SLC24A2: variants seen among roughly 807,000 people sequenced by gnomAD.
The protein encoded by SLC24A2 is sodium/potassium/calcium exchanger 2.
A neutral mutation model predicts 62.0 loss-of-function variants in SLC24A2; 36 were observed. The ratio of observed to expected loss-of-function variants is 0.58; its 90% CI spans 0.44 to 0.77. The LOEUF (loss-of-function observed/expected upper bound fraction) is 0.77. Ranked by LOEUF, SLC24A2 falls within the 30% of genes least tolerant of loss-of-function variation. SLC24A2 has a pLI of 0.00. For missense variants in SLC24A2, 846 were observed against 817.9 expected, an observed-to-expected ratio of 1.03 and a Z score of -0.42; for synonymous variants, 358 against 294.0, an observed-to-expected ratio of 1.22 and a Z score of -2.23.
the SLC24A2 span, among the ~76,000 whole-genome samples, chr9:20,049,039 G>A: frequency 6.9e-4 from 105 of 152,140 alleles, 1 homozygote; most frequent in African/African-American, 2.4e-3. Context: ...CCATCAACTC[G>A]TTTTATCAGC....
At chr9:19,884,839 GTT>G in the SLC24A2 span, among the ~76,000 whole-genome samples, 1 of 152,152 alleles carries the variant, frequency 6.6e-6, no homozygotes, top group Non-Finnish European at 1.5e-5. Context: ...CCCTGAGCAT[GTT>G]TAAGGTAGGT....
the SLC24A2 span, among the ~76,000 whole-genome samples, chr9:20,019,155 A>AAGAGAGAGAGAG: frequency 6.0e-5 from 7 of 117,088 alleles, 1 homozygote; most frequent in Non-Finnish European, 1.1e-4. Context: ...GAAAGAAAGA[A>AAGAGAGAGAGAG]AGAGAGAGAG....
chr9:20,173,504 T>C, the SLC24A2 span, among the ~76,000 whole-genome samples: 2 of 152,204 alleles, frequency 1.3e-5, no homozygotes, highest in East Asian at 1.9e-4. Flanking sequence ...AAAATTAATG[T>C]ACACAAATCA....
chr9:20,232,489 T>A, the SLC24A2 span, among the ~76,000 whole-genome samples: 1 of 152,218 alleles, frequency 6.6e-6, no homozygotes. Flanking sequence ...GAGGAATTTA[T>A]CCATTTCTTC....
At chr9:19,596,629 A>C (rs1205241505) in intron 5 of SLC24A2, among the ~76,000 whole-genome samples, 1 of 152,188 alleles carries the variant, frequency 6.6e-6, no homozygotes, top group Non-Finnish European at 1.5e-5. Context: ...TGATATGCCT[A>C]TCCTCATGGA....
chr9:20,015,551 T>A, the SLC24A2 span, among the ~76,000 whole-genome samples: 2 of 152,216 alleles, frequency 1.3e-5, no homozygotes, highest in Admixed American at 1.3e-4. Context: ...AATGTCACTG[T>A]GGCCAACCCC....
the SLC24A2 span, among the ~76,000 whole-genome samples, chr9:20,029,489 G>A: frequency 6.6e-6 from 1 of 152,110 alleles, no homozygotes; most frequent in African/African-American, 2.4e-5. Context: ...CAGTCCATCT[G>A]ACTGCAGCAT....
At chr9:19,544,025 T>TG (rs1312277093) in intron 8 of SLC24A2, among the ~76,000 whole-genome samples, 1 of 152,154 alleles carries the variant, frequency 6.6e-6, no homozygotes, top group African/African-American at 2.4e-5. Flanking sequence ...ATATTGACAG[T>TG]GGGGTATTAA....
the SLC24A2 span, among the ~76,000 whole-genome samples, chr9:20,113,929 G>T: frequency 6.6e-6 from 1 of 152,098 alleles, no homozygotes; most frequent in Admixed American, 6.6e-5. Flanking sequence ...AGGCAGCTTG[G>T]GATAGCAATC....
At chr9:19,766,163 T>C (rs534489072) in intron 2 of SLC24A2, among the ~76,000 whole-genome samples, 4 of 152,342 alleles carry the variant, frequency 2.6e-5, no homozygotes, top group Non-Finnish European at 5.9e-5. Context: ...TTTATGTTCT[T>C]CTCTAAAGTG....
At chr9:19,834,485 A>G in the SLC24A2 span, among the ~76,000 whole-genome samples, 1 of 152,200 alleles carries the variant, frequency 6.6e-6, no homozygotes, top group Non-Finnish European at 1.5e-5. Flanking sequence ...GCGATGGAAG[A>G]TGAAATGAAT....
intron 2 of SLC24A2, among the ~76,000 whole-genome samples, chr9:19,646,351 C>T (rs1323982038): frequency 6.6e-6 from 1 of 152,184 alleles, no homozygotes; most frequent in Non-Finnish European, 1.5e-5. Flanking sequence ...CCTGAAATTG[C>T]CCTTGCCACA....
chr9:20,299,327 G>A, the SLC24A2 span, among the ~76,000 whole-genome samples: 1 of 152,226 alleles, frequency 6.6e-6, no homozygotes, highest in Non-Finnish European at 1.5e-5. Flanking sequence ...GGGACATGAA[G>A]AAGGATAGAG....
At chr9:19,933,757 G>C in the SLC24A2 span, among the ~76,000 whole-genome samples, 1 of 152,286 alleles carries the variant, frequency 6.6e-6, no homozygotes, top group East Asian at 1.9e-4. Flanking sequence ...ACGAAATGTG[G>C]TATATCCATA....
At chr9:20,267,067 A>AG in the SLC24A2 span, among the ~76,000 whole-genome samples, 2 of 152,052 alleles carry the variant, frequency 1.3e-5, no homozygotes, top group African/African-American at 4.8e-5. Flanking sequence ...TGAAAAAAAA[A>AG]AAAAAGCTGG....
At chr9:20,069,120 T>A in the SLC24A2 span, among the ~76,000 whole-genome samples, 2 of 152,206 alleles carry the variant, frequency 1.3e-5, no homozygotes, top group Admixed American at 6.5e-5. Flanking sequence ...ATCCTTGACT[T>A]TTTCTTCTCC....
chr9:19,982,839 A>G, the SLC24A2 span, among the ~76,000 whole-genome samples: 1,730 of 152,326 alleles, frequency 0.011, 20 homozygotes, highest in Non-Finnish European at 0.016. Context: ...ACAAAGTGAA[A>G]TTTATTCCAG....
At chr9:20,125,315 G>T in the SLC24A2 span, among the ~76,000 whole-genome samples, 1 of 152,202 alleles carries the variant, frequency 6.6e-6, no homozygotes, top group Non-Finnish European at 1.5e-5. Flanking sequence ...CTAAGGCTCA[G>T]AGAAGGAAAG....
chr9:19,636,331 C>CTTTCTTTCTTTCTTTCTTTG lies in SLC24A2; in HGVS notation c.931-14033_931-14032insCAAAGAAAGAAAGAAAGAAA, dbSNP rs1564009845. Among the ~76,000 whole-genome samples, 9 of 19,576 alleles carry CTTTCTTTCTTTCTTTCTTTG rather than the reference C, an allele frequency of 4.6e-4. 1 individual carries two copies. The highest frequency in any genetic ancestry group is 0.021 in the Middle Eastern group (1 of 48). The allele number at this position is 19,576 out of a possible 152,430, so 12.8% of individuals were successfully genotyped here. ...TTTCTTTTCTTTTCTTTCTTTCTTT[C>CTTTCTTTCTTTCTTTCTTTG]TTTCTTTCTTTCTTTCTTTCTTTCT... is the stretch of plus-strand genomic sequence containing the variant. On this transcript the variant is annotated intron_variant, in intron 2 of 10. Transcript: ENST00000341998.
Sources: gnomAD v4.1 joint callset for allele counts (sites outside exome capture counted in the v4.1 genomes callset) on GRCh38, gnomAD v4.1.1 for gene constraint, MANE v1.5 for transcripts, NCBI Gene and HGNC (gene_info 2026-07-23, HGNC 2026-07-21) for gene names.